CCT3: variants seen among roughly 807,000 people sequenced by gnomAD.
CCT3 encodes the protein chaperonin containing TCP1 subunit 3.
A neutral mutation model predicts 65.3 loss-of-function variants in CCT3; 10 were observed. The observed-to-expected ratio is 0.15, with a 90% CI of 0.09 to 0.26. The LOEUF is 0.26. CCT3 is among the 10% of genes least tolerant of loss of function. CCT3 has a pLI of 1.00. For missense variants in CCT3, 626 were observed against 708.7 expected (o/e 0.88, Z 1.33); for synonymous variants, 225 against 242.3 (o/e 0.93, Z 0.66).
chr1:156,313,861 G>A (rs544573625), intron 10 of CCT3, among the ~76,000 whole-genome samples: 3 of 152,222 alleles, frequency 2.0e-5, no homozygotes, highest in South Asian at 2.1e-4. Flanking sequence ...AGGCCAAGGC[G>A]GGCGGATCAC....
intron 10 of CCT3, among the ~76,000 whole-genome samples, chr1:156,314,370 T>C (rs1370703309): frequency 2.6e-5 from 4 of 152,114 alleles, no homozygotes; most frequent in South Asian, 2.1e-4. Flanking sequence ...TTTCAAGATA[T>C]GAATCTTGGA....
chr1:156,327,421 C>G (rs552570623), intron 5 of CCT3, among the ~76,000 whole-genome samples: 1 of 152,208 alleles, frequency 6.6e-6, no homozygotes, highest in African/African-American at 2.4e-5. Flanking sequence ...CTGCCGAGTG[C>G]CTGCGATTGC....
chr1:156,332,826 T>C (rs1195836101), intron 5 of CCT3: 1 of 152,282 alleles, frequency 6.6e-6, no homozygotes, highest in Admixed American at 6.5e-5. Context: ...TATATTGCTA[T>C]GGGCTATGAG....
chr1:156,337,812 C>A (rs376209919), intron 1 of CCT3: 32 of 305,256 alleles, frequency 1.0e-4, no homozygotes, highest in Middle Eastern at 9.0e-4. Flanking sequence ...CAAAAAAAAA[C>A]GTTATTCGTG....
At chr1:156,318,259 T>C (rs1185275239) in intron 8 of CCT3, among the ~76,000 whole-genome samples, 5 of 147,230 alleles carry the variant, frequency 3.4e-5, no homozygotes, top group Admixed American at 2.1e-4. Context: ...AGGGTCTCAC[T>C]GTTGCTCAGG....
chr1:156,311,881 A>G lies in CCT3; in HGVS notation c.1155+160T>C, dbSNP rs913400371. Among the ~76,000 whole-genome samples, 3 of 152,274 alleles carry G rather than the reference A, an allele frequency of 2.0e-5. No homozygotes were observed. In the South Asian group the frequency reaches 6.2e-4, roughly 32 times the overall value. ...GCTTACTACAATTTTTAAAATTTTA[A>G]ATTATTTAATTAAAAAAAGGAAGCA... On this transcript the variant is annotated intron_variant, in intron 11 of 13. Coordinates refer to ENST00000295688, the MANE Select transcript of CCT3 (RefSeq NM_005998.5).
At chr1:156,320,481 C>T in intron 7 of CCT3, among the ~76,000 whole-genome samples, 1 of 151,950 alleles carries the variant, frequency 6.6e-6, no homozygotes, top group Non-Finnish European at 1.5e-5. Flanking sequence ...GGTATGATGG[C>T]TTATGCCTAT....
intron 6 of CCT3, among the ~76,000 whole-genome samples, chr1:156,324,158 C>A (rs976060841): frequency 2.0e-5 from 3 of 152,048 alleles, no homozygotes; most frequent in South Asian, 2.1e-4. Flanking sequence ...ACCTTCGCCT[C>A]CCGGGTCCAA....
intron 6 of CCT3, among the ~76,000 whole-genome samples, chr1:156,322,482 C>T (rs564725460): frequency 2.6e-5 from 4 of 151,754 alleles, no homozygotes; most frequent in East Asian, 1.9e-4. Context: ...GAAAACAGAG[C>T]GAGACCCCCC....
At chr1:156,311,965 AT>A in intron 11 of CCT3, 75 bp downstream of exon 11, 1 of 1,236,200 alleles carries the variant, frequency 8.1e-7, no homozygotes. Context: ...CCACAGAATT[AT>A]TTTAGGCCCT....
At chr1:156,325,634 G>GT (rs1240618579) in intron 5 of CCT3, among the ~76,000 whole-genome samples, 1 of 150,946 alleles carries the variant, frequency 6.6e-6, no homozygotes, top group East Asian at 1.9e-4. Context: ...CTGGAGTGCG[G>GT]TGGCGCAATC....
chr1:156,316,806 A>G (rs977405719), intron 10 of CCT3, among the ~76,000 whole-genome samples: 1 of 152,242 alleles, frequency 6.6e-6, no homozygotes, highest in Non-Finnish European at 1.5e-5. Flanking sequence ...TGGTTCTGCT[A>G]TAATCCAGGC....
chr1:156,336,335 T>C (rs559973525), intron 1 of CCT3, among the ~76,000 whole-genome samples: 1 of 91,550 alleles, frequency 1.1e-5, no homozygotes, highest in South Asian at 3.4e-4. Context: ...CTCAAAGGGC[T>C]GGTGACCCTA....
In CCT3 at chr1:156,337,389, C is replaced by G. The variant is rs11264476; in HGVS notation, c.31+765G>C. The G allele has an allele frequency of 0.23, 40,297 of 171,486 alleles. 5,487 individuals carry two copies. The highest frequency in any genetic ancestry group is 0.29 in the Non-Finnish European group (22,990 of 78,722). 10.6% of individuals were successfully genotyped at this position (171,486 alleles called of 1,614,324 possible). On this transcript the variant is annotated intron_variant, in intron 1 of 13. Transcript: ENST00000295688. ...CGCCACTGCAACCCAGCCTGGGTGA[C>G]AGAGCGAGACTTTGTCTCAAAATAT...
chr1:156,337,452 G>A (rs576186828), intron 1 of CCT3: 15 of 177,130 alleles, frequency 8.5e-5, no homozygotes, highest in Admixed American at 2.9e-4. Flanking sequence ...AAAAGGAAAA[G>A]GTGACCAGTC....
chr1:156,329,132 A>G (rs1202296952), intron 5 of CCT3, among the ~76,000 whole-genome samples: 1 of 152,132 alleles, frequency 6.6e-6, no homozygotes, highest in African/African-American at 2.4e-5. Flanking sequence ...TTATAACTGT[A>G]TTCAGTACAG....
chr1:156,313,700 C>T (rs939238781), intron 10 of CCT3, among the ~76,000 whole-genome samples: 1 of 152,222 alleles, frequency 6.6e-6, no homozygotes, highest in African/African-American at 2.4e-5. Context: ...CCTGGCTACC[C>T]AGAGCCCCAT....
chr1:156,336,604 C>T (rs528723204), intron 1 of CCT3, among the ~76,000 whole-genome samples: 2 of 152,198 alleles, frequency 1.3e-5, no homozygotes, highest in South Asian at 2.1e-4. Context: ...GGAGGCTAAT[C>T]GGTCACAGCC....
chr1:156,331,088 C>T (rs992452356), intron 5 of CCT3, among the ~76,000 whole-genome samples: 11 of 151,340 alleles, frequency 7.3e-5, no homozygotes, highest in Non-Finnish European at 1.5e-4. Context: ...AAAAATTAGC[C>T]GGGCGCGGTG....
Sources: gnomAD v4.1 joint callset for allele counts (sites outside exome capture counted in the v4.1 genomes callset) on GRCh38, gnomAD v4.1.1 for gene constraint, MANE v1.5 for transcripts, NCBI Gene and HGNC (gene_info 2026-07-23, HGNC 2026-07-21) for gene names.